Variants in NAA50 observed in about 807,000 individuals in gnomAD.
NAA50 encodes N-alpha-acetyltransferase 50, NatE catalytic subunit, also known as N-alpha-acetyltransferase 50.
A neutral mutation model predicts 20.7 loss-of-function variants in NAA50; 7 were observed. The ratio of observed to expected loss-of-function variants is 0.34; its 90% CI spans 0.19 to 0.63. The LOEUF (loss-of-function observed/expected upper bound fraction) is 0.63, where lower values mean the gene tolerates loss of function less well. Ranked by LOEUF, NAA50 falls within the 30% of genes least tolerant of loss-of-function variation. The probability of loss-of-function intolerance (pLI) is 0.75; values close to 1 mark genes in which losing one functional copy is unlikely to be tolerated. For synonymous variants in NAA50, 54 were observed against 70.6 expected (o/e 0.77, Z 1.18); for missense variants, 111 against 199.1 (o/e 0.56, Z 2.66).
In NAA50 at chr3:113,745,917, GCCCTGCCCGGCTGCCCTTCCTCA is replaced by G; in HGVS notation, c.8+2_8+24del. The G allele has an allele frequency of 6.2e-7, 1 of 1,602,114 alleles. No individual in the cohort carries two copies. Among genetic ancestry groups the G allele is most frequent in the Non-Finnish European group, 8.5e-7 (1 of 1,177,970 alleles). ...CGGACCCTTCTACCCCACCGGCCGG[GCCCTGCCCGGCTGCCCTTCCTCA>G]CCCTTTCATCTTCCCCGCCTGCTGA... On this transcript the variant is annotated splice_donor_variant and splice_donor_5th_base_variant and intron_variant, in intron 1 of 4. Transcript: ENST00000240922. LOFTEE classifies it high-confidence loss of function.
Position 113,717,278 on chromosome 3 carries a change from G to A in NAA50, c.*4482C>T, listed in dbSNP as rs1486955403. ...GAATCTGGGAGGCGGAGTTTGCAGT[G>A]AGCCAAGATCGCGCCACTGCACTCC... is the stretch of plus-strand genomic sequence containing the variant. On this transcript the variant is annotated 3_prime_UTR_variant, in exon 5 of 5. Transcript: ENST00000240922. 1 of 152,240 alleles carries A rather than the reference G, an allele frequency of 6.6e-6. No individual in the cohort carries two copies. Among genetic ancestry groups the A allele is most frequent in the East Asian group, 1.9e-4 (1 of 5,188 alleles). 9.4% of individuals were successfully genotyped at this position (152,240 alleles called of 1,614,324 possible).
intron 3 of NAA50, 68 bp downstream of exon 3, chr3:113,723,354 G>T: frequency 6.9e-7 from 1 of 1,452,278 alleles, no homozygotes; most frequent in Non-Finnish European, 9.3e-7. Flanking sequence ...TAACTTACTA[G>T]GTCAGACACA....
At chr3:113,724,669 T>C (rs963265785) in intron 1 of NAA50, 1 of 152,114 alleles carries the variant, frequency 6.6e-6, no homozygotes, top group African/African-American at 2.4e-5. Flanking sequence ...GGATGAAAAC[T>C]ATCCATTAAG....
At chr3:113,726,792 T>G (rs990484538) in intron 1 of NAA50, among the ~76,000 whole-genome samples, 1 of 152,076 alleles carries the variant, frequency 6.6e-6, no homozygotes, top group Non-Finnish European at 1.5e-5. Context: ...GATACTGTTA[T>G]CCTGTAAACT....
chr3:113,745,234 G>A (rs1048596654), intron 1 of NAA50, among the ~76,000 whole-genome samples: 2 of 152,154 alleles, frequency 1.3e-5, no homozygotes, highest in South Asian at 2.1e-4. Flanking sequence ...CCAATCACCT[G>A]AAAGGAGCAG....
At chr3:113,734,823 C>T (rs1005192392) in intron 1 of NAA50, among the ~76,000 whole-genome samples, 31 of 152,164 alleles carry the variant, frequency 2.0e-4, no homozygotes, top group African/African-American at 6.8e-4. Flanking sequence ...CCTATAAATA[C>T]ATGTTCTGAT....
At chr3:113,726,798 A>G (rs551988682) in intron 1 of NAA50, among the ~76,000 whole-genome samples, 2 of 151,882 alleles carry the variant, frequency 1.3e-5, no homozygotes, top group East Asian at 1.9e-4. Context: ...GTTATCCTGT[A>G]AACTATAGAA....
At chr3:113,742,417 A>C (rs1577073980) in intron 1 of NAA50, among the ~76,000 whole-genome samples, 1 of 147,930 alleles carries the variant, frequency 6.8e-6, no homozygotes, top group Admixed American at 6.7e-5. Context: ...TTGCACCAGC[A>C]TGCCTGGCTT....
At chr3:113,722,760 CT>C in intron 4 of NAA50, 145 bp downstream of exon 4, 1 of 961,124 alleles carries the variant, frequency 1.0e-6, no homozygotes, top group Non-Finnish European at 1.5e-6. Context: ...CTAAACAAAA[CT>C]AACAACTACT....
rs1708058981 is a variant in NAA50, at chr3:113,717,010, G to C, written c.*4750C>G. 1 of 152,100 alleles carries C rather than the reference G, an allele frequency of 6.6e-6. No individual in the cohort carries two copies. Among genetic ancestry groups the C allele is most frequent in the South Asian group, 2.1e-4 (1 of 4,832 alleles). 9.4% of individuals were successfully genotyped at this position (152,100 alleles called of 1,614,324 possible). On this transcript the variant is annotated 3_prime_UTR_variant, in exon 5 of 5. Coordinates refer to ENST00000240922, the MANE Select transcript of NAA50 (RefSeq NM_025146.4). ...TTTTTCTTATTCTAGAAGCTACTGA[G>C]CAAGGAAAATACCTTGATTCATTCT...
chr3:113,723,572 G>GCTAGCTCGCC, intron 2 of NAA50, 31 bp from the exon 3 acceptor site: 1 of 1,577,580 alleles, frequency 6.3e-7, no homozygotes, highest in African/African-American at 1.4e-5. Flanking sequence ...ATATAATGTT[G>GCTAGCTCGCC]AACAGACAGA....
At chr3:113,738,343 C>G (rs1399588008) in intron 1 of NAA50, among the ~76,000 whole-genome samples, 1 of 152,210 alleles carries the variant, frequency 6.6e-6, no homozygotes, top group Admixed American at 6.5e-5. Context: ...ATATTTCTGA[C>G]TGGTTACTGG....
At position 113,746,216 on chromosome 3, in the gene NAA50, G is replaced by A. The variant is rs1469936064; in HGVS notation, c.-267C>T. On this transcript the variant is annotated 5_prime_UTR_variant, in exon 1 of 5. Coordinates refer to ENST00000240922, the MANE Select transcript of NAA50 (RefSeq NM_025146.4). ...CTCTCGGCTCCCTCCCGCCGCTGCCGCCAGCCAGACCCGCTGCCGCGCTGT... is the reference window on the plus strand; with the variant it reads ...CTCTCGGCTCCCTCCCGCCGCTGCCACCAGCCAGACCCGCTGCCGCGCTGT... 7 of 480,962 alleles carry A rather than the reference G, an allele frequency of 1.5e-5. No individual in the cohort carries two copies. The Admixed American group carries it at 2.2e-4, about 15-fold the overall frequency. The allele number at this position is 480,962 out of a possible 1,614,324, so 29.8% of individuals were successfully genotyped here.
Position 113,726,698 on chromosome 3 carries a change from C to T in NAA50, c.9-2603G>A, listed in dbSNP as rs1437862680. 8.6e-5 allele frequency among the ~76,000 whole-genome samples: 13 copies of T among 150,768 alleles called. No individual in the cohort carries two copies. The South Asian group carries it at 1.7e-3, about 19-fold the overall frequency. ...GGCAGAGGTTGCAGTGAGCCAAGAT[C>T]GCACCACTGTACTCCAGCCTGGGCG... On this transcript the variant is annotated intron_variant, in intron 1 of 4. Transcript: ENST00000240922.
intron 1 of NAA50, chr3:113,741,100 G>C (rs1463276766): frequency 1.8e-6 from 1 of 543,460 alleles, no homozygotes; most frequent in Admixed American, 2.3e-5. Flanking sequence ...TTTTCAGAAA[G>C]TTATGTGGAT....
rs74967438 is a variant in NAA50 at position 113,722,122 on chromosome 3, C to A, written c.333-185G>T. Among the ~76,000 whole-genome samples the A allele has an allele frequency of 7.4e-3, 1,130 of 152,152 alleles. 13 individuals are homozygous for A. Among genetic ancestry groups the A allele is most frequent in the African/African-American group, 0.026 (1,067 of 41,528 alleles). The stretch of plus-strand genomic sequence containing the variant: ...TTTTACACTTTTAATCTAATTTTTA[C>A]ATTTGTAAGACAGCTGGCTGAGATT... On this transcript the variant is annotated intron_variant, in intron 4 of 4. Coordinates refer to ENST00000240922, the MANE Select transcript of NAA50 (RefSeq NM_025146.4).
intron 1 of NAA50, among the ~76,000 whole-genome samples, chr3:113,742,148 AGAAG>A (rs1245995973): frequency 6.6e-6 from 1 of 152,250 alleles, no homozygotes; most frequent in East Asian, 1.9e-4. Context: ...ATTGTTTCAC[AGAAG>A]GAAGAAGTAT....
At position 113,721,100 on chromosome 3, in the gene NAA50, T is replaced by C. The variant is rs1708128999; in HGVS notation, c.*660A>G. 1 of 152,560 alleles carries C rather than the reference T, an allele frequency of 6.6e-6. No individual in the cohort carries two copies. The highest frequency in any genetic ancestry group is 2.4e-5 in the African/African-American group (1 of 41,412). 9.5% of individuals were successfully genotyped at this position (152,560 alleles called of 1,614,324 possible). Reference sequence around the variant, plus strand: ...AACCTGCTAACAACCAGCCCACTCATTAGCAAAAAAGCAGTTTAACTCAAA... The same window carrying C: ...AACCTGCTAACAACCAGCCCACTCACTAGCAAAAAAGCAGTTTAACTCAAA... On this transcript the variant is annotated 3_prime_UTR_variant, in exon 5 of 5. Coordinates refer to ENST00000240922, the MANE Select transcript of NAA50 (RefSeq NM_025146.4).
intron 1 of NAA50, among the ~76,000 whole-genome samples, chr3:113,734,304 G>A (rs534993920): frequency 6.6e-6 from 1 of 152,192 alleles, no homozygotes; most frequent in South Asian, 2.1e-4. Flanking sequence ...TACTAGAAGA[G>A]GGAGAAGGGA....
Sources: allele counts gnomAD v4.1 joint callset (sites outside exome capture counted in the v4.1 genomes callset), GRCh38; gene constraint gnomAD v4.1.1; transcripts MANE v1.5; gene names NCBI Gene and HGNC (gene_info 2026-07-23, HGNC 2026-07-21).